CDC45: variants seen among roughly 807,000 people sequenced by gnomAD.
CDC45 encodes cell division control protein 45 homolog.
A neutral mutation model predicts 77.8 loss-of-function variants in CDC45; 54 were observed. That is an observed-to-expected ratio of 0.69 (90% CI 0.56 to 0.87). CDC45 has a LOEUF of 0.87. CDC45 is among the 40% of genes least tolerant of loss of function. The pLI, the probability that CDC45 is intolerant of heterozygous loss-of-function variation, is 0.00. For missense variants in CDC45, 649 were observed against 721.6 expected (o/e 0.90, Z 1.15); for synonymous variants, 260 against 272.1 (o/e 0.96, Z 0.44).
rs2090321359 is a variant in CDC45 at position 19,500,488 on chromosome 22, G to A, written c.704+1337G>A. Among the ~76,000 whole-genome samples the A allele has an allele frequency of 4.6e-5, 7 of 152,260 alleles. No homozygotes were observed. In the South Asian group the frequency reaches 1.5e-3, roughly 32 times the overall value. ...ATGTAGACCCTGTCACAAGATTGTA[G>A]TTCCCCTAACTGCTCCATAGATCAC... is the stretch of plus-strand genomic sequence containing the variant. On this transcript the variant is annotated intron_variant, in intron 9 of 18. Coordinates refer to ENST00000263201, the MANE Select transcript of CDC45 (RefSeq NM_003504.5).
chr22:19,515,080 G>A, intron 15 of CDC45, 32 bp downstream of exon 15: 1 of 1,557,172 alleles, frequency 6.4e-7, no homozygotes, highest in Non-Finnish European at 8.7e-7. Flanking sequence ...GTGGGTACAG[G>A]AGGGCAGGTG....
chr22:19,480,105 G>A (rs1392216192), intron 1 of CDC45, 53 bp from the exon 2 acceptor site: 3 of 1,612,140 alleles, frequency 1.9e-6, no homozygotes, highest in African/African-American at 1.3e-5. Context: ...GGGAGGCAGG[G>A]GAGGGCCGGG....
chr22:19,515,057 C>A lies in CDC45; in HGVS notation c.1440+9C>A. 2 of 1,591,258 alleles carry A rather than the reference C, an allele frequency of 1.3e-6. No individual in the cohort carries two copies. The highest frequency in any genetic ancestry group is 1.1e-5 in the South Asian group (1 of 87,018). The stretch of plus-strand genomic sequence containing the variant: ...AGTCCTTTGTGTGTTCGGTGAGGGG[C>A]CAGGCGGGTGCTGTGGGTACAGGAG... On this transcript the variant is annotated intron_variant, in intron 15 of 18. Coordinates refer to ENST00000263201, the MANE Select transcript of CDC45 (RefSeq NM_003504.5).
chr22:19,483,237 C>T (rs893022389), intron 4 of CDC45, among the ~76,000 whole-genome samples: 69 of 152,152 alleles, frequency 4.5e-4, no homozygotes, highest in African/African-American at 1.6e-3. Context: ...TTGAGACCAT[C>T]CTGGCTAACA....
chr22:19,511,465 G>C (rs1055663270), intron 13 of CDC45, among the ~76,000 whole-genome samples: 9 of 151,494 alleles, frequency 5.9e-5, no homozygotes, highest in South Asian at 2.1e-4. Flanking sequence ...TGAATAGGTG[G>C]GATTACAGGC....
intron 15 of CDC45, among the ~76,000 whole-genome samples, chr22:19,515,302 C>A (rs187033610): frequency 6.6e-6 from 1 of 152,330 alleles, no homozygotes; most frequent in Non-Finnish European, 1.5e-5. Context: ...GCAGAGTGAA[C>A]AGGGCTGGGG....
chr22:19,515,073 G>C (rs1214614467), intron 15 of CDC45, 25 bp downstream of exon 15: 4 of 1,568,502 alleles, frequency 2.6e-6, no homozygotes, highest in Non-Finnish European at 3.5e-6. Flanking sequence ...GGGTGCTGTG[G>C]GTACAGGAGG....
intron 7 of CDC45, 128 bp downstream of exon 7, chr22:19,496,157 C>A: frequency 1.5e-6 from 1 of 682,294 alleles, no homozygotes. Flanking sequence ...CATGTCTTCC[C>A]CCTGTGTGAC....
At chr22:19,503,771 A>G (rs1197039837) in intron 9 of CDC45, among the ~76,000 whole-genome samples, 1 of 152,172 alleles carries the variant, frequency 6.6e-6, no homozygotes, top group African/African-American at 2.4e-5. Context: ...AGACCTCAGA[A>G]GAGGCCTCGA....
chr22:19,515,286 G>A (rs905048175), intron 15 of CDC45, among the ~76,000 whole-genome samples: 1 of 152,174 alleles, frequency 6.6e-6, no homozygotes, highest in Non-Finnish European at 1.5e-5. Flanking sequence ...GTAGGGAGGG[G>A]CCCTTGCAGA....
At chr22:19,503,856 A>G (rs5748246) in intron 9 of CDC45, among the ~76,000 whole-genome samples, 128,229 of 152,252 alleles carry the variant, frequency 0.84, 54,413 homozygotes, top group African/African-American at 0.94. Flanking sequence ...AGAGGAGAAA[A>G]GGGTGCTGGT....
chr22:19,505,834 A>G (rs1311833967), intron 10 of CDC45, among the ~76,000 whole-genome samples: 1 of 152,204 alleles, frequency 6.6e-6, no homozygotes, highest in African/African-American at 2.4e-5. Context: ...TGAGAAGCAC[A>G]TGGGACATTG....
intron 9 of CDC45, among the ~76,000 whole-genome samples, chr22:19,502,403 T>C (rs1387762943): frequency 6.6e-6 from 1 of 152,254 alleles, no homozygotes; most frequent in Non-Finnish European, 1.5e-5. Flanking sequence ...TGAACTTATT[T>C]ACTTTGTTTA....
intron 7 of CDC45, among the ~76,000 whole-genome samples, chr22:19,496,813 A>G (rs879124348): frequency 6.6e-6 from 1 of 152,142 alleles, no homozygotes; most frequent in Admixed American, 6.5e-5. Context: ...TCTTTTACCA[A>G]ATAGAGACCC....
Position 19,482,826 on chromosome 22 carries a change from A to G in CDC45, c.341A>G (p.Gln114Arg). Reference protein sequence around the residue: ...VNVVNVYNDTQIKLLIKQDDD... With the variant: ...VNVVNVYNDTRIKLLIKQDDD... ...GTCGTCAATGTATACAACGATACCC[A>G]GGTACTTTTTGTGCTATGCCCTCAA... The change falls in exon 4 of 19, where the codon CAG becomes CGG. Residue 114 changes from glutamine to arginine, a missense_variant and splice_region_variant. Transcript: ENST00000263201. The G allele has an allele frequency of 6.2e-7, 1 of 1,613,916 alleles. No homozygotes were observed. The highest frequency in any genetic ancestry group is 1.3e-5 in the African/African-American group (1 of 75,042).
At chr22:19,498,932 C>T (rs1240824369) in intron 8 of CDC45, among the ~76,000 whole-genome samples, 169 bp from the exon 9 acceptor site, 1 of 152,216 alleles carries the variant, frequency 6.6e-6, no homozygotes, top group Non-Finnish European at 1.5e-5. Flanking sequence ...AACCTCTTCA[C>T]CTCAAGGAGA....
upstream of CDC45, chr22:19,479,731 C>A (rs2089940946): frequency 1.5e-6 from 1 of 665,166 alleles, no homozygotes; most frequent in Admixed American, 2.3e-5. Flanking sequence ...TGTTTGCGTT[C>A]GGCCTCAGAG....
chr22:19,493,064 C>T (rs924817495), intron 5 of CDC45, among the ~76,000 whole-genome samples: 1 of 152,100 alleles, frequency 6.6e-6, no homozygotes, highest in Non-Finnish European at 1.5e-5. Context: ...CTTGCTACAG[C>T]TTCGCAAGGA....
In CDC45 at chr22:19,497,376, TTCCTTACA is replaced by T; in HGVS notation, c.592-9_592-2del. 1 of 1,613,934 alleles carries T rather than the reference TTCCTTACA, an allele frequency of 6.2e-7. No individual in the cohort carries two copies. Among genetic ancestry groups the T allele is most frequent in the Non-Finnish European group, 8.5e-7 (1 of 1,179,844 alleles). On this transcript the variant is annotated splice_acceptor_variant and splice_polypyrimidine_tract_variant and intron_variant, in intron 7 of 18. Coordinates refer to ENST00000263201, the MANE Select transcript of CDC45 (RefSeq NM_003504.5). LOFTEE classifies it high-confidence loss of function. ...TCCCATGAGCCTTAGACTTCTCTGC[TTCCTTACA>T]GTCAGCCATGGTGATGTTTGAGCTG...
Sources: gnomAD v4.1 joint callset for allele counts (sites outside exome capture counted in the v4.1 genomes callset) on GRCh38, gnomAD v4.1.1 for gene constraint, MANE v1.5 for transcripts, NCBI Gene and HGNC (gene_info 2026-07-23, HGNC 2026-07-21) for gene names.